The following SYNJ1 variants were observed in gnomAD, a reference collection of about 807,000 sequenced individuals.
SYNJ1 encodes synaptojanin 1, also known as polyphosphatidylinositol phosphatase SYNJ1.
In SYNJ1, 78 loss-of-function variants were observed where a neutral mutation model predicts 168.2. That is an observed-to-expected ratio of 0.46 (90% CI 0.39 to 0.56). The LOEUF (loss-of-function observed/expected upper bound fraction) is 0.56. Among genes scored for constraint, SYNJ1 ranks in the 20% least tolerant of loss-of-function variants. The pLI is 0.00. For missense variants in SYNJ1, 1,303 were observed against 1,597.6 expected, an observed-to-expected ratio of 0.82 and a Z score of 3.14; for synonymous variants, 539 against 548.6, an observed-to-expected ratio of 0.98 and a Z score of 0.24.
chr21:32,680,418 A>C (rs1218284179), intron 11 of SYNJ1, among the ~76,000 whole-genome samples: 1 of 152,204 alleles, frequency 6.6e-6, no homozygotes, highest in Non-Finnish European at 1.5e-5. Flanking sequence ...GTGGAGATTT[A>C]GAAAGTTGAT....
At chr21:32,718,070 G>A (rs559437917) in intron 2 of SYNJ1, among the ~76,000 whole-genome samples, 38 of 152,290 alleles carry the variant, frequency 2.5e-4, no homozygotes, top group African/African-American at 9.1e-4. Context: ...CTTAAGGTAG[G>A]AGGGTAAATC....
rs1020122099 is a variant in SYNJ1, at chr21:32,698,537, A to G, written c.479+1301T>C. Among the ~76,000 whole-genome samples, 9 of 152,220 alleles carry G rather than the reference A, an allele frequency of 5.9e-5. No individual in the cohort carries two copies. In the East Asian group the frequency reaches 1.7e-3, roughly 29 times the overall value. ...ATAACATATGTCAATATAATAATAC[A>G]TAATTTGCACATGATATCAAGAGAA... On this transcript the variant is annotated intron_variant, in intron 4 of 32. Coordinates refer to ENST00000674351, the MANE Select transcript of SYNJ1 (RefSeq NM_203446.3).
chr21:32,683,893 C>A, intron 10 of SYNJ1, 145 bp downstream of exon 10: 1 of 652,932 alleles, frequency 1.5e-6, no homozygotes, highest in East Asian at 2.8e-5. Flanking sequence ...AAAGTTTGGC[C>A]AAAAAAAGAG....
At chr21:32,719,341 T>C (rs1738640202) in intron 2 of SYNJ1, among the ~76,000 whole-genome samples, 1 of 152,220 alleles carries the variant, frequency 6.6e-6, no homozygotes, top group Non-Finnish European at 1.5e-5. Flanking sequence ...TGCTGGTTGC[T>C]GTGATAAAAG....
At chr21:32,656,187 T>A (rs1358705333) in intron 21 of SYNJ1, among the ~76,000 whole-genome samples, 1 of 152,222 alleles carries the variant, frequency 6.6e-6, no homozygotes, top group African/African-American at 2.4e-5. Context: ...ATCCCAGCAC[T>A]TTGTGGGGCT....
chr21:32,636,351 A>G (rs1197154696), intron 31 of SYNJ1, among the ~76,000 whole-genome samples: 1 of 152,246 alleles, frequency 6.6e-6, no homozygotes, highest in Non-Finnish European at 1.5e-5. Flanking sequence ...AATCACTCGA[A>G]TTAAATGAAT....
intron 4 of SYNJ1, among the ~76,000 whole-genome samples, chr21:32,698,930 C>A (rs1041681196): frequency 3.9e-5 from 6 of 152,126 alleles, no homozygotes; most frequent in Non-Finnish European, 7.4e-5. Flanking sequence ...AGTTTTGTTA[C>A]AATTAAATTC....
At chr21:32,642,188 T>G in intron 27 of SYNJ1, 55 bp from the exon 28 acceptor site, 2 of 1,597,276 alleles carry the variant, frequency 1.3e-6, no homozygotes, top group South Asian at 2.2e-5. Context: ...TTAAGCAATA[T>G]TGCATAACAT....
intron 2 of SYNJ1, 106 bp from the exon 3 acceptor site, chr21:32,702,153 C>A: frequency 1.4e-6 from 1 of 735,514 alleles, no homozygotes; most frequent in South Asian, 2.5e-5. Flanking sequence ...ATCTGATATT[C>A]TTAAAATAAA....
intron 7 of SYNJ1, 143 bp from the exon 8 acceptor site, chr21:32,687,217 T>C: frequency 2.0e-6 from 1 of 503,036 alleles, no homozygotes; most frequent in Non-Finnish European, 3.4e-6. Flanking sequence ...TCATTGTACA[T>C]GGTCTCAAAG....
Position 32,634,767 on chromosome 21 carries a change from T to C in SYNJ1, c.*3+94A>G, listed in dbSNP as rs1442617301. 3.8e-6 allele frequency: 5 copies of C among 1,320,966 alleles called. No homozygotes were observed. The East Asian group carries it at 7.2e-5, about 19-fold the overall frequency. 81.8% of individuals were successfully genotyped at this position (1,320,966 alleles called of 1,614,324 possible). On this transcript the variant is annotated intron_variant, in intron 32 of 32. Transcript: ENST00000674351. ...TAATGGAGACAGGTGGTTTTAAAAA[T>C]GGGTGAAACTTTAGATGTATGAAGC...
intron 31 of SYNJ1, 71 bp from the exon 32 acceptor site, chr21:32,634,955 C>T (rs2039500507): frequency 6.6e-6 from 10 of 1,507,346 alleles, no homozygotes; most frequent in Non-Finnish European, 8.3e-6. Flanking sequence ...GCAACCCTAA[C>T]AATTCAGTCA....
At chr21:32,708,767 T>A (rs2042708949) in intron 2 of SYNJ1, among the ~76,000 whole-genome samples, 1 of 152,140 alleles carries the variant, frequency 6.6e-6, no homozygotes, top group Admixed American at 6.5e-5. Flanking sequence ...GTACCTTTTT[T>A]TTTTTTCATT....
chr21:32,728,210 G>T, upstream of SYNJ1: 1 of 727,024 alleles, frequency 1.4e-6, no homozygotes, highest in Non-Finnish European at 2.1e-6. Flanking sequence ...AGGCAGAGCT[G>T]CGATCCCACC....
At chr21:32,717,647 T>C (rs959629613) in intron 2 of SYNJ1, among the ~76,000 whole-genome samples, 4 of 152,186 alleles carry the variant, frequency 2.6e-5, no homozygotes, top group Non-Finnish European at 4.4e-5. Flanking sequence ...ACATGAACTA[T>C]TCCCAGCCCT....
chr21:32,666,258 G>T (rs1330555094), intron 16 of SYNJ1, 123 bp from the exon 17 acceptor site: 9 of 1,425,246 alleles, frequency 6.3e-6, no homozygotes, highest in Non-Finnish European at 9.5e-7. Flanking sequence ...GCAAGCCTTT[G>T]AAATAGTACA....
At chr21:32,638,336 G>A (rs2039672020) in intron 31 of SYNJ1, among the ~76,000 whole-genome samples, 1 of 152,110 alleles carries the variant, frequency 6.6e-6, no homozygotes, top group East Asian at 1.9e-4. Context: ...AAAGTGTTAG[G>A]GTTCACTCAT....
At chr21:32,681,699 A>G in intron 10 of SYNJ1, 51 bp from the exon 11 acceptor site, 1 of 1,519,826 alleles carries the variant, frequency 6.6e-7, no homozygotes, top group Non-Finnish European at 8.8e-7. Context: ...TATTAATTGT[A>G]ATATGGCTTT....
intron 2 of SYNJ1, among the ~76,000 whole-genome samples, chr21:32,722,918 T>C (rs1002136690): frequency 1.3e-5 from 2 of 152,232 alleles, no homozygotes; most frequent in Non-Finnish European, 2.9e-5. Flanking sequence ...GAAACATGGT[T>C]ATTTTGGATA....
Sources: allele counts gnomAD v4.1 joint callset (sites outside exome capture counted in the v4.1 genomes callset), GRCh38; gene constraint gnomAD v4.1.1; transcripts MANE v1.5; gene names NCBI Gene and HGNC (gene_info 2026-07-23, HGNC 2026-07-21).